The following TSHZ2 variants were observed in gnomAD, a reference collection of about 807,000 sequenced individuals.
TSHZ2 encodes teashirt homolog 2.
TSHZ2 carries 21 observed loss-of-function variants against 74.4 expected under a neutral mutation model. The observed-to-expected ratio is 0.28, with a 90% CI of 0.20 to 0.41. TSHZ2 has a LOEUF of 0.41. Among genes scored for constraint, TSHZ2 ranks in the 10% least tolerant of loss-of-function variants. The probability of loss-of-function intolerance (pLI) is 1.00; values close to 1 mark genes in which losing one functional copy is unlikely to be tolerated. For missense variants in TSHZ2, 1,244 were observed against 1,293.5 expected, an observed-to-expected ratio of 0.96 and a Z score of 0.59; for synonymous variants, 540 against 515.3, an observed-to-expected ratio of 1.05 and a Z score of -0.65.
rs1471208563 is a variant in TSHZ2, at chr20:53,096,215, C to T, written c.40+122882C>T. 4.6e-5 allele frequency among the ~76,000 whole-genome samples: 7 copies of T among 152,318 alleles called. No homozygotes were observed. The East Asian group carries it at 1.4e-3, about 29-fold the overall frequency. ...GGAGTGCAGTGCTGCAATCTCGGCT[C>T]ACTGCAACCTCTGCCTCTTGGATTC... is the stretch of plus-strand genomic sequence containing the variant. On this transcript the variant is annotated intron_variant, in intron 1 of 2. Transcript: ENST00000371497.
chr20:53,308,180 T>C (rs1347927270), intron 2 of TSHZ2, among the ~76,000 whole-genome samples: 2 of 151,720 alleles, frequency 1.3e-5, no homozygotes, highest in East Asian at 3.9e-4. Context: ...TACTGGGGAG[T>C]CATGTTTGGT....
At chr20:53,397,501 A>T (rs1323243584) in intron 2 of TSHZ2, among the ~76,000 whole-genome samples, 1 of 152,226 alleles carries the variant, frequency 6.6e-6, no homozygotes, top group East Asian at 1.9e-4. Context: ...GATGTGGAGA[A>T]ATAGGAACAC....
intron 2 of TSHZ2, among the ~76,000 whole-genome samples, chr20:53,364,579 G>A (rs1462680883): frequency 6.6e-6 from 1 of 152,226 alleles, no homozygotes; most frequent in Non-Finnish European, 1.5e-5. Context: ...CAAACTGAAT[G>A]TTGGAAGCAT....
chr20:53,315,225 T>A (rs1013132035), intron 2 of TSHZ2, among the ~76,000 whole-genome samples: 1 of 152,238 alleles, frequency 6.6e-6, no homozygotes, highest in Non-Finnish European at 1.5e-5. Flanking sequence ...ATCAAAACTA[T>A]TAATTAGTTT....
intron 2 of TSHZ2, among the ~76,000 whole-genome samples, chr20:53,478,588 A>G (rs1346700813): frequency 6.6e-6 from 1 of 151,748 alleles, no homozygotes; most frequent in Non-Finnish European, 1.5e-5. Flanking sequence ...GGTGCAGCGC[A>G]CCAGCATGGC....
chr20:53,121,782 A>G (rs1188747751), intron 1 of TSHZ2, among the ~76,000 whole-genome samples: 1 of 151,844 alleles, frequency 6.6e-6, no homozygotes, highest in African/African-American at 2.4e-5. Flanking sequence ...TGTGGAAGAG[A>G]CTCTTCTCTA....
At chr20:53,272,086 A>T (rs531162789) in intron 2 of TSHZ2, among the ~76,000 whole-genome samples, 1 of 151,788 alleles carries the variant, frequency 6.6e-6, no homozygotes, top group East Asian at 1.9e-4. Flanking sequence ...ATTTCGGCTC[A>T]CTGCAACCTC....
chr20:53,415,351 A>C (rs4811432), intron 2 of TSHZ2, among the ~76,000 whole-genome samples: 1 of 152,196 alleles, frequency 6.6e-6, no homozygotes, highest in African/African-American at 2.4e-5. Context: ...ATCAGTACAG[A>C]TGATTCCAGA....
intron 2 of TSHZ2, among the ~76,000 whole-genome samples, chr20:53,465,774 G>A (rs1985538570): frequency 6.6e-6 from 1 of 151,998 alleles, no homozygotes; most frequent in Admixed American, 6.6e-5. Flanking sequence ...TAAAACAATA[G>A]CAGTCAAGCT....
chr20:53,162,394 C>G (rs1185284852), intron 1 of TSHZ2, among the ~76,000 whole-genome samples: 1 of 152,240 alleles, frequency 6.6e-6, no homozygotes, highest in Non-Finnish European at 1.5e-5. Flanking sequence ...AGATCAAACA[C>G]AAGCTTACTC....
At chr20:53,409,376 G>A (rs1982965651) in intron 2 of TSHZ2, among the ~76,000 whole-genome samples, 1 of 152,002 alleles carries the variant, frequency 6.6e-6, no homozygotes, top group South Asian at 2.1e-4. Context: ...ACTTTCCCAA[G>A]GCTGTCTTGT....
At chr20:53,046,775 T>C (rs1329921771) in intron 1 of TSHZ2, among the ~76,000 whole-genome samples, 1 of 152,160 alleles carries the variant, frequency 6.6e-6, no homozygotes, top group Non-Finnish European at 1.5e-5. Context: ...CCCTCAAAAC[T>C]TCTGTTACCT....
intron 2 of TSHZ2, among the ~76,000 whole-genome samples, chr20:53,380,877 A>AT (rs1462567762): frequency 1.3e-5 from 2 of 152,228 alleles, no homozygotes; most frequent in Admixed American, 6.5e-5. Context: ...CATTCATTTC[A>AT]TTAGAGAATC....
intron 2 of TSHZ2, among the ~76,000 whole-genome samples, chr20:53,465,572 GAA>G (rs1985532664): frequency 1.3e-5 from 2 of 152,024 alleles, no homozygotes; most frequent in African/African-American, 4.8e-5. Flanking sequence ...CACCCAGCCA[GAA>G]ATCTTTATTA....
intron 2 of TSHZ2, among the ~76,000 whole-genome samples, chr20:53,349,315 G>A (rs1013317999): frequency 6.6e-6 from 1 of 152,210 alleles, no homozygotes; most frequent in African/African-American, 2.4e-5. Flanking sequence ...AAGTCTTTTA[G>A]GTATAAGCTC....
At chr20:53,275,656 G>T (rs781684542) in intron 2 of TSHZ2, among the ~76,000 whole-genome samples, 1 of 152,186 alleles carries the variant, frequency 6.6e-6, no homozygotes, top group African/African-American at 2.4e-5. Flanking sequence ...GCCTGGGCAC[G>T]CTGGCTCATG....
In TSHZ2 at chr20:53,488,406, A is replaced by G. The variant is rs1986350924; in HGVS notation, c.*1271A>G. On this transcript the variant is annotated 3_prime_UTR_variant, in exon 3 of 3. Transcript: ENST00000371497. ...GTCCTAAGTCAACTTGGAAGAGCTAAGAGCATGTTTTAATATTAAAAGTCT... is the reference window on the plus strand; with the variant it reads ...GTCCTAAGTCAACTTGGAAGAGCTAGGAGCATGTTTTAATATTAAAAGTCT... 1.3e-5 allele frequency: 2 copies of G among 153,000 alleles called. No individual in the cohort carries two copies. The highest frequency in any genetic ancestry group is 2.9e-5 in the Non-Finnish European group (2 of 68,650). 9.5% of individuals were successfully genotyped at this position (153,000 alleles called of 1,614,324 possible).
At chr20:53,371,261 A>G (rs1276093891) in intron 2 of TSHZ2, among the ~76,000 whole-genome samples, 1 of 152,206 alleles carries the variant, frequency 6.6e-6, no homozygotes, top group Non-Finnish European at 1.5e-5. Context: ...TATGACCTCT[A>G]TTATAAATTA....
Position 53,495,271 on chromosome 20 carries a change from A to G in TSHZ2, c.*8136A>G, listed in dbSNP as rs1986552710. 6.6e-6 allele frequency: 1 copy of G among 152,214 alleles called. No homozygotes were observed. The highest frequency in any genetic ancestry group is 6.5e-5 in the Admixed American group (1 of 15,274). The allele number at this position is 152,214 out of a possible 1,614,324, so 9.4% of individuals were successfully genotyped here. Reference sequence around the variant, plus strand: ...TCTTTTTATGCTTTCTGGAGATGTTACTGTTAAATGTCTTTCTACATCAGG... The same window carrying G: ...TCTTTTTATGCTTTCTGGAGATGTTGCTGTTAAATGTCTTTCTACATCAGG... On this transcript the variant is annotated 3_prime_UTR_variant, in exon 3 of 3. Transcript: ENST00000371497.
Sources: gnomAD v4.1 joint callset for allele counts (sites outside exome capture counted in the v4.1 genomes callset) on GRCh38, gnomAD v4.1.1 for gene constraint, MANE v1.5 for transcripts, NCBI Gene and HGNC (gene_info 2026-07-23, HGNC 2026-07-21) for gene names.